The following CCDC175 variants were observed in gnomAD, a reference collection of about 807,000 sequenced individuals.
CCDC175 encodes the protein coiled-coil domain-containing protein 175.
A neutral mutation model predicts 114.6 loss-of-function variants in CCDC175; 100 were observed. The observed-to-expected ratio is 0.87, with a 90% CI of 0.74 to 1.03. CCDC175 has a LOEUF of 1.03. Among genes scored for constraint, CCDC175 ranks in the 50% least tolerant of loss-of-function variants. The pLI is 0.00. For synonymous variants in CCDC175, 306 were observed against 308.7 expected, an observed-to-expected ratio of 0.99 and a Z score of 0.09; for missense variants, 880 against 917.8, an observed-to-expected ratio of 0.96 and a Z score of 0.53.
chr14:59,569,993 C>T (rs1027291860), intron 3 of CCDC175, among the ~76,000 whole-genome samples: 2 of 152,102 alleles, frequency 1.3e-5, no homozygotes, highest in Non-Finnish European at 2.9e-5. Flanking sequence ...CTCATTAGAT[C>T]GTAAAGAAGT....
At position 59,511,755 on chromosome 14, in the gene CCDC175, C is replaced by G. The variant is rs751151013; in HGVS notation, c.2142+5G>C. 11 of 1,535,846 alleles carry G rather than the reference C, an allele frequency of 7.2e-6. No individual in the cohort carries two copies. The highest frequency in any genetic ancestry group is 9.6e-6 in the Non-Finnish European group (11 of 1,145,904). ...ATGGAGGCAACAGACACACGCAAAA[C>G]TCACCTTAACTGTGGTCTGAAATTC... On this transcript the variant is annotated splice_donor_5th_base_variant and intron_variant, in intron 18 of 19. Coordinates refer to ENST00000537690, the MANE Select transcript of CCDC175 (RefSeq NM_001164399.2).
At chr14:59,541,523 T>C (rs189257479) in intron 10 of CCDC175, among the ~76,000 whole-genome samples, 1 of 152,336 alleles carries the variant, frequency 6.6e-6, no homozygotes, top group East Asian at 1.9e-4. Flanking sequence ...GGAAACACTC[T>C]TAAATAAACT....
intron 4 of CCDC175, 90 bp downstream of exon 4, chr14:59,568,155 T>G: frequency 7.7e-7 from 1 of 1,300,886 alleles, no homozygotes; most frequent in Non-Finnish European, 1.0e-6. Flanking sequence ...CCTGCCACAG[T>G]TCAGATCAGA....
At chr14:59,506,549 A>G (rs1892409445) in intron 19 of CCDC175, among the ~76,000 whole-genome samples, 1 of 151,968 alleles carries the variant, frequency 6.6e-6, no homozygotes, top group South Asian at 2.1e-4. Context: ...CAGCCTCCCA[A>G]AGTACTGGGA....
chr14:59,542,351 C>T (rs536278934), intron 10 of CCDC175, among the ~76,000 whole-genome samples: 1 of 152,188 alleles, frequency 6.6e-6, no homozygotes, highest in Non-Finnish European at 1.5e-5. Context: ...CTATAAGCTC[C>T]TTATGCTCAG....
intron 11 of CCDC175, among the ~76,000 whole-genome samples, chr14:59,539,241 C>T (rs760176671): frequency 2.6e-5 from 4 of 152,198 alleles, no homozygotes; most frequent in Non-Finnish European, 5.9e-5. Context: ...AAATTTTTCT[C>T]CACCACAACA....
At chr14:59,524,641 C>A (rs1311135922) in intron 16 of CCDC175, among the ~76,000 whole-genome samples, 2 of 152,148 alleles carry the variant, frequency 1.3e-5, no homozygotes, top group Non-Finnish European at 2.9e-5. Context: ...GGTGCAACTC[C>A]TTTGGGAGAC....
intron 12 of CCDC175, 89 bp from the exon 13 acceptor site, chr14:59,538,243 A>G (rs1894533124): frequency 1.8e-6 from 2 of 1,095,054 alleles, no homozygotes; most frequent in East Asian, 2.9e-5. Context: ...ATCTCTTTGC[A>G]GGAGGCCTGC....
intron 7 of CCDC175, among the ~76,000 whole-genome samples, chr14:59,552,281 A>G (rs1439332960): frequency 6.6e-6 from 1 of 152,218 alleles, no homozygotes; most frequent in Non-Finnish European, 1.5e-5. Context: ...TTGCAGAGGA[A>G]TGATCAGGCA....
intron 6 of CCDC175, among the ~76,000 whole-genome samples, chr14:59,562,851 T>C (rs2140108326): frequency 6.6e-6 from 1 of 152,310 alleles, no homozygotes; most frequent in South Asian, 2.1e-4. Context: ...CTTACTATGT[T>C]GAAATTTAAA....
At chr14:59,572,609 C>T in intron 3 of CCDC175, 93 bp downstream of exon 3, 1 of 652,392 alleles carries the variant, frequency 1.5e-6, no homozygotes, top group Non-Finnish European at 2.5e-6. Context: ...CTCTATCTTA[C>T]ATGAGCAATA....
chr14:59,514,711 G>A (rs961566150), intron 17 of CCDC175, among the ~76,000 whole-genome samples: 1 of 152,194 alleles, frequency 6.6e-6, no homozygotes, highest in African/African-American at 2.4e-5. Context: ...GAAAGTGACA[G>A]GGAGAATGGA....
At chr14:59,505,768 C>G (rs1270405701) in intron 19 of CCDC175, among the ~76,000 whole-genome samples, 1 of 152,126 alleles carries the variant, frequency 6.6e-6, no homozygotes, top group Non-Finnish European at 1.5e-5. Context: ...GACTTAGGCC[C>G]TTGTAGCACA....
chr14:59,515,129 C>T (rs1432414285), intron 17 of CCDC175, among the ~76,000 whole-genome samples: 2 of 152,108 alleles, frequency 1.3e-5, no homozygotes, highest in Non-Finnish European at 2.9e-5. Flanking sequence ...GAGATTTTGT[C>T]ACCACCAGGC....
At chr14:59,561,464 G>C (rs1329784210) in intron 6 of CCDC175, among the ~76,000 whole-genome samples, 4 of 152,140 alleles carry the variant, frequency 2.6e-5, no homozygotes, top group Non-Finnish European at 4.4e-5. Flanking sequence ...AAATACAGCA[G>C]TGAGAATGTG....
intron 19 of CCDC175, among the ~76,000 whole-genome samples, chr14:59,507,999 C>T (rs1892524581): frequency 6.6e-6 from 1 of 152,138 alleles, no homozygotes; most frequent in Non-Finnish European, 1.5e-5. Flanking sequence ...GAGGGCCTCA[C>T]TCCCTGGCAC....
At chr14:59,522,402 T>C (rs1893473407) in intron 16 of CCDC175, among the ~76,000 whole-genome samples, 1 of 152,232 alleles carries the variant, frequency 6.6e-6, no homozygotes, top group African/African-American at 2.4e-5. Context: ...TACTCATGTA[T>C]CTTTGATGTT....
intron 7 of CCDC175, among the ~76,000 whole-genome samples, chr14:59,556,283 A>G (rs1895895595): frequency 6.6e-6 from 1 of 152,218 alleles, no homozygotes; most frequent in Non-Finnish European, 1.5e-5. Context: ...ATGGAACAGA[A>G]GAGAGCCCTC....
chr14:59,544,794 T>A (rs1255152173), intron 9 of CCDC175, among the ~76,000 whole-genome samples: 1 of 152,038 alleles, frequency 6.6e-6, no homozygotes, highest in East Asian at 1.9e-4. Flanking sequence ...TAGGTTTGGA[T>A]GAGGACATGA....
Sources: allele counts gnomAD v4.1 joint callset (sites outside exome capture counted in the v4.1 genomes callset), GRCh38; gene constraint gnomAD v4.1.1; transcripts MANE v1.5; gene names NCBI Gene and HGNC (gene_info 2026-07-23, HGNC 2026-07-21).